KLF12: variants seen among roughly 807,000 people sequenced by gnomAD.
KLF12 encodes the protein Krueppel-like factor 12.
Under a neutral mutation model 37.8 loss-of-function variants are expected in KLF12, and 9 were observed. That is an observed-to-expected ratio of 0.24 (90% CI 0.14 to 0.42). The LOEUF is 0.42. Ranked by LOEUF, KLF12 falls within the 10% of genes least tolerant of loss-of-function variation. The pLI, the probability that KLF12 is intolerant of heterozygous loss-of-function variation, is 1.00. For synonymous variants in KLF12, 208 were observed against 202.1 expected (o/e 1.03, Z -0.25); for missense variants, 411 against 516.0 (o/e 0.80, Z 1.97).
At chr13:74,201,361 C>T in the KLF12 span, among the ~76,000 whole-genome samples, 70 of 151,016 alleles carry the variant, frequency 4.6e-4, no homozygotes, top group Middle Eastern at 3.4e-3. Context: ...AATGTGCCTA[C>T]GTAGGTAAAA....
chr13:74,201,676 T>G, the KLF12 span, among the ~76,000 whole-genome samples: 1 of 152,236 alleles, frequency 6.6e-6, no homozygotes, highest in South Asian at 2.1e-4. Context: ...AATGCAGAGA[T>G]GTAATTCAGA....
intron 6 of KLF12, 115 bp downstream of exon 6, chr13:73,764,823 T>C (rs898881234): frequency 1.0e-5 from 6 of 597,616 alleles, no homozygotes; most frequent in Non-Finnish European, 1.8e-5. Flanking sequence ...CATAGTCCAG[T>C]TAGCAGGTAT....
intron 4 of KLF12, among the ~76,000 whole-genome samples, chr13:73,831,524 A>G (rs1452865658): frequency 3.9e-5 from 6 of 152,188 alleles, no homozygotes; most frequent in Non-Finnish European, 2.9e-5. Context: ...TTCTTTCATT[A>G]CTAATGGTCA....
the KLF12 span, among the ~76,000 whole-genome samples, chr13:74,140,685 G>A: frequency 6.6e-6 from 1 of 151,918 alleles, no homozygotes; most frequent in East Asian, 1.9e-4. Flanking sequence ...TGGATGGGAT[G>A]GGCTGAATAC....
intron 4 of KLF12, among the ~76,000 whole-genome samples, chr13:73,825,873 C>T (rs1883809119): frequency 6.6e-6 from 1 of 152,178 alleles, no homozygotes; most frequent in Admixed American, 6.5e-5. Flanking sequence ...TCTCATTACA[C>T]CCCAACCAAA....
intron 2 of KLF12, among the ~76,000 whole-genome samples, chr13:73,960,806 C>T (rs1008838323): frequency 1.3e-5 from 2 of 152,114 alleles, no homozygotes; most frequent in African/African-American, 2.4e-5. Flanking sequence ...ATACTGTTAA[C>T]TCATCTGAGA....
the KLF12 span, among the ~76,000 whole-genome samples, chr13:74,224,239 G>A: frequency 6.6e-6 from 1 of 152,104 alleles, no homozygotes; most frequent in Admixed American, 6.6e-5. Context: ...AAAGAGGTTT[G>A]ACCATTTATT....
intron 5 of KLF12, among the ~76,000 whole-genome samples, chr13:73,775,733 T>C (rs1320204726): frequency 2.0e-5 from 3 of 152,230 alleles, no homozygotes; most frequent in Non-Finnish European, 4.4e-5. Flanking sequence ...GTGAGCTCTG[T>C]TGAGAAAAAG....
chr13:73,914,099 C>T (rs1238911577), intron 3 of KLF12, among the ~76,000 whole-genome samples: 1 of 150,482 alleles, frequency 6.6e-6, no homozygotes, highest in Non-Finnish European at 1.5e-5. Flanking sequence ...TGTTCCCTGG[C>T]ACCTTTGCCT....
chr13:74,043,727 C>A (rs1893469442), intron 1 of KLF12, among the ~76,000 whole-genome samples: 1 of 152,200 alleles, frequency 6.6e-6, no homozygotes, highest in Non-Finnish European at 1.5e-5. Context: ...CTCTACTCAA[C>A]ATAATATTTA....
intron 7 of KLF12, among the ~76,000 whole-genome samples, chr13:73,696,108 T>C (rs1874130220): frequency 6.8e-6 from 1 of 146,436 alleles, no homozygotes; most frequent in African/African-American, 2.5e-5. Flanking sequence ...ATCACTTAGA[T>C]GGCTTAAGGC....
intron 2 of KLF12, among the ~76,000 whole-genome samples, chr13:73,994,487 C>T (rs1314778435): frequency 1.3e-5 from 2 of 149,434 alleles, no homozygotes; most frequent in African/African-American, 4.9e-5. Flanking sequence ...ACCACACTTT[C>T]ATTCATACTG....
chr13:73,842,122 C>A (rs888780512), intron 4 of KLF12, among the ~76,000 whole-genome samples: 24 of 152,232 alleles, frequency 1.6e-4, no homozygotes, highest in African/African-American at 5.8e-4. Flanking sequence ...TTAAAAAAAT[C>A]TTTGCATGCC....
At chr13:74,004,005 G>A (rs1000040952) in intron 1 of KLF12, among the ~76,000 whole-genome samples, 1 of 152,236 alleles carries the variant, frequency 6.6e-6, no homozygotes, top group East Asian at 1.9e-4. Flanking sequence ...AATAATTATT[G>A]AGAGTAAGCA....
At chr13:74,274,639 C>A in the KLF12 span, among the ~76,000 whole-genome samples, 2 of 150,486 alleles carry the variant, frequency 1.3e-5, no homozygotes, top group Non-Finnish European at 3.0e-5. Context: ...TATTACCATT[C>A]TTTTTTCTTT....
intron 2 of KLF12, among the ~76,000 whole-genome samples, chr13:73,979,215 C>T (rs745717147): frequency 6.6e-6 from 1 of 152,112 alleles, no homozygotes; most frequent in African/African-American, 2.4e-5. Flanking sequence ...CTGTAATAAA[C>T]GTATCATCCT....
rs905364359 is a variant in KLF12 at position 73,692,633 on chromosome 13, A to G, written c.*2857T>C. The G allele has an allele frequency of 2.0e-5, 3 of 152,644 alleles. No homozygotes were observed. Among genetic ancestry groups the G allele is most frequent in the Admixed American group, 6.5e-5 (1 of 15,278 alleles). The allele number at this position is 152,644 out of a possible 1,614,324, so 9.5% of individuals were successfully genotyped here. A position where few individuals can be genotyped will look rare whatever the true frequency, so the allele number is the denominator to read the frequency against. On this transcript the variant is annotated 3_prime_UTR_variant, in exon 8 of 8. Coordinates refer to ENST00000377669, the MANE Select transcript of KLF12 (RefSeq NM_007249.5). The stretch of plus-strand genomic sequence containing the variant: ...GCTCTTCCATGACTGAAGACATTCC[A>G]TTTCTTTCTGTCCCAAACCACTTTC...
At chr13:74,018,590 A>C (rs1892761810) in intron 1 of KLF12, among the ~76,000 whole-genome samples, 3 of 152,226 alleles carry the variant, frequency 2.0e-5, no homozygotes, top group Non-Finnish European at 1.5e-5. Context: ...AATAAACTTG[A>C]AGAATATATA....
At chr13:74,132,376 G>A (rs1008816374) in intron 1 of KLF12, among the ~76,000 whole-genome samples, 29 of 152,176 alleles carry the variant, frequency 1.9e-4, no homozygotes, top group African/African-American at 6.5e-4. Flanking sequence ...GTCTACCGAA[G>A]TCACTAGATG....
Sources: allele counts gnomAD v4.1 joint callset (sites outside exome capture counted in the v4.1 genomes callset), GRCh38; gene constraint gnomAD v4.1.1; transcripts MANE v1.5; gene names NCBI Gene and HGNC (gene_info 2026-07-23, HGNC 2026-07-21).